The following SYNPO2L variants were observed in gnomAD, a reference collection of about 807,000 sequenced individuals.
The protein encoded by SYNPO2L is synaptopodin 2 like.
In SYNPO2L, 34 loss-of-function variants were observed where a neutral mutation model predicts 47.5. That is an observed-to-expected ratio of 0.72 (90% CI 0.54 to 0.95). The LOEUF is 0.95. Among genes scored for constraint, SYNPO2L ranks in the 40% least tolerant of loss-of-function variants. SYNPO2L has a pLI of 0.00. For missense variants in SYNPO2L, 1,246 were observed against 1,282.0 expected, an observed-to-expected ratio of 0.97 and a Z score of 0.43; for synonymous variants, 536 against 524.9, an observed-to-expected ratio of 1.02 and a Z score of -0.29.
At chr10:73,649,694 T>G (rs2081822433) in intron 3 of SYNPO2L, 1 of 984,766 alleles carries the variant, frequency 1.0e-6, no homozygotes, top group Admixed American at 6.2e-5. Flanking sequence ...GTGGCCCTTC[T>G]TCCCAGAGAC....
rs772953594 is a variant in SYNPO2L, at chr10:73,647,182, C to T, written c.2470G>A (p.Ala824Thr). The change falls in exon 4 of 4, where the codon GCG (alanine) becomes ACG (threonine). Residue 824 changes from alanine (A) to threonine (T), a missense_variant. This residue lies in a region of SYNPO2L where 1,037 missense variants were observed against 1,021.5 expected (regional missense o/e 1.02). Transcript: ENST00000394810. ...NPLLSPFFPQ[A>T]ARTLPKAQSQ... Reference sequence around the variant, plus strand: ...TGGGCCTTAGGGAGAGTTCGGGCCGCCTGGGGGAAAAAGGGAGAGAGCAGT... The same window carrying T: ...TGGGCCTTAGGGAGAGTTCGGGCCGTCTGGGGGAAAAAGGGAGAGAGCAGT... 6.2e-7 allele frequency: 1 copy of T among 1,613,546 alleles called. No homozygotes were observed. Among genetic ancestry groups the T allele is most frequent in the Non-Finnish European group, 8.5e-7 (1 of 1,179,802 alleles).
In SYNPO2L at chr10:73,655,822, G is replaced by C. The variant is rs1463256355; in HGVS notation, c.101C>G (p.Ser34Cys). The C allele has an allele frequency of 6.5e-7, 1 of 1,547,200 alleles. No individual in the cohort carries two copies. Among genetic ancestry groups the C allele is most frequent in the East Asian group, 2.5e-5 (1 of 40,640 alleles). Residue 34 changes from serine to cysteine, a missense_variant, in exon 1 of 4, where the codon TCT becomes TGT. Ser to Cys is a moderately radical substitution (Grantham distance 112). Coordinates refer to ENST00000394810, the MANE Select transcript of SYNPO2L (RefSeq NM_001114133.3). ...GAEQRKPLQV[S>C]KIRRRSQAGR... ...ATTTCAGGGGCTCTCCCTTACCTTA[G>C]ACACCTGTAACGGTTTCCTCTGCTC...
At chr10:73,655,067 T>C (rs969647517) in intron 1 of SYNPO2L, among the ~76,000 whole-genome samples, 1 of 152,200 alleles carries the variant, frequency 6.6e-6, no homozygotes, top group Non-Finnish European at 1.5e-5. Flanking sequence ...TACACACAAA[T>C]GTATATATGC....
At chr10:73,654,406 A>G in intron 1 of SYNPO2L, 126 bp from the exon 2 acceptor site, 1 of 1,252,590 alleles carries the variant, frequency 8.0e-7, no homozygotes, top group Non-Finnish European at 1.1e-6. Context: ...GGGGAGATGC[A>G]TGGAAGTGGC....
At position 73,647,967 on chromosome 10, in the gene SYNPO2L, C is replaced by A; in HGVS notation, c.1685G>T (p.Gly562Val). 1 of 1,539,434 alleles carries A rather than the reference C, an allele frequency of 6.5e-7. No homozygotes were observed. The highest frequency in any genetic ancestry group is 1.3e-5 in the South Asian group (1 of 78,234). Residue 562 changes from glycine (G) to valine (V), a missense_variant, in exon 4 of 4, where the codon GGT becomes GTT. Physicochemically the swap from Gly to Val is moderately radical, Grantham distance 109. This residue lies in a region of SYNPO2L where 1,037 missense variants were observed against 1,021.5 expected (regional missense o/e 1.02). Coordinates refer to ENST00000394810, the MANE Select transcript of SYNPO2L (RefSeq NM_001114133.3). ...AGGAGCGGGGGGCTCTGGAGCTCCA[C>A]CTGGGGTGACAGGCCGACTAGGGGC... ...IPAPSRPVTP[G>V]GAPEPPAPPS...
Position 73,653,046 on chromosome 10 carries a change from TC to T in SYNPO2L, c.772+92del, listed in dbSNP as rs1268739364. 7.1e-5 allele frequency: 99 copies of T among 1,385,788 alleles called. 1 individual carries two copies. In the East Asian group the frequency reaches 2.4e-3, roughly 33 times the overall value. The allele number at this position is 1,385,788 out of a possible 1,614,324, so 85.8% of individuals were successfully genotyped here. ...CTGTCCCCAAGACTGTATCCAAGGG[TC>T]CCAAGGTAGGGAGAATGTACGGCTA... On this transcript the variant is annotated intron_variant, in intron 3 of 3. Coordinates refer to ENST00000394810, the MANE Select transcript of SYNPO2L (RefSeq NM_001114133.3).
chr10:73,653,428 G>T lies in SYNPO2L; in HGVS notation c.483C>A (p.Gly161=). 1 of 1,551,490 alleles carries T rather than the reference G, an allele frequency of 6.4e-7. No individual in the cohort carries two copies. The highest frequency in any genetic ancestry group is 2.4e-5 in the East Asian group (1 of 40,918). The change falls in exon 3 of 4, where the codon GGC becomes GGA. Residue 161 remains glycine, a synonymous_variant. Coordinates refer to ENST00000394810, the MANE Select transcript of SYNPO2L (RefSeq NM_001114133.3). The part of the protein sequence containing the change: ...QEKPRRPRRR[G]PTRPTPPGAP... ...CACCCGGAGGGGTGGGCCTTGTGGG[G>T]CCTCGGCGGCGAGGTCGACGGGGCT... is the stretch of plus-strand genomic sequence containing the variant.
At chr10:73,655,157 A>G (rs1404000110) in intron 1 of SYNPO2L, among the ~76,000 whole-genome samples, 1 of 152,232 alleles carries the variant, frequency 6.6e-6, no homozygotes, top group Non-Finnish European at 1.5e-5. Flanking sequence ...GTATTATTGC[A>G]TTTAATCCTT....
In SYNPO2L at chr10:73,648,108, G is replaced by A. The variant is rs1453638478; in HGVS notation, c.1544C>T (p.Pro515Leu). 30 of 1,544,850 alleles carry A rather than the reference G, an allele frequency of 1.9e-5. No individual in the cohort carries two copies. The highest frequency in any genetic ancestry group is 2.6e-5 in the Non-Finnish European group (30 of 1,147,450). ...APPPFLSSQG[P>L]TPLPSFTSGV... ...TGAAGTGAAGCTGGGCAGAGGGGTG[G>A]GCCCCTGCGAAGACAAGAAGGGGGG... The change falls in exon 4 of 4, where the codon CCC (proline) becomes CTC (leucine). Residue 515 changes from proline (P) to leucine (L), a missense_variant. By Grantham distance (98) the Pro-to-Leu change is moderately conservative. Coordinates refer to ENST00000394810, the MANE Select transcript of SYNPO2L (RefSeq NM_001114133.3).
In SYNPO2L at chr10:73,645,409, T is replaced by C. The variant is rs1244117618; in HGVS notation, c.*1309A>G. On this transcript the variant is annotated 3_prime_UTR_variant, in exon 4 of 4. Transcript: ENST00000394810. ...CAATCACTTACACTCATTTCTGCCA[T>C]GCTTCTGATTTTGGCCTCACTTGCC... 1 of 1,000,790 alleles carries C rather than the reference T, an allele frequency of 1.0e-6. No individual in the cohort carries two copies. The highest frequency in any genetic ancestry group is 1.7e-5 in the African/African-American group (1 of 57,316). 62.0% of individuals were successfully genotyped at this position (1,000,790 alleles called of 1,614,324 possible). A position where few individuals can be genotyped will look rare whatever the true frequency, so the allele number is the denominator to read the frequency against.
At position 73,654,122 on chromosome 10, in the gene SYNPO2L, T is replaced by G. The variant is rs2081861609; in HGVS notation, c.257+7A>C. 6.5e-7 allele frequency: 1 copy of G among 1,548,018 alleles called. No homozygotes were observed. On this transcript the variant is annotated splice_region_variant and intron_variant, in intron 2 of 3. Transcript: ENST00000394810. ...TTAGGGGAAGAGAAGAGGAGAGAGG[T>G]CCATACCGCTGCACAGTGAGGACAA... is the stretch of plus-strand genomic sequence containing the variant.
At position 73,647,344 on chromosome 10, in the gene SYNPO2L, C is replaced by T. The variant is rs777399796; in HGVS notation, c.2308G>A (p.Asp770Asn). The change falls in exon 4 of 4, where the codon GAC becomes AAC. Residue 770 changes from aspartate (D) to asparagine (N), a missense_variant. Physicochemically the swap from Asp to Asn is conservative, Grantham distance 23. This residue lies in a region of SYNPO2L where 1,037 missense variants were observed against 1,021.5 expected (regional missense o/e 1.02). Coordinates refer to ENST00000394810, the MANE Select transcript of SYNPO2L (RefSeq NM_001114133.3). Reference sequence around the variant, plus strand: ...GGTGTACCTTCCACCACATACCTGTCCGCACGGCTCTGCCGCTTAGCAAAC... The same window carrying T: ...GGTGTACCTTCCACCACATACCTGTTCGCACGGCTCTGCCGCTTAGCAAAC... ...ELFAKRQSRADRYVVEGTPGP... is the reference protein window; with the variant it reads ...ELFAKRQSRANRYVVEGTPGP... 6.2e-7 allele frequency: 1 copy of T among 1,614,100 alleles called. No homozygotes were observed. Among genetic ancestry groups the T allele is most frequent in the East Asian group, 2.2e-5 (1 of 44,856 alleles).
chr10:73,649,178 C>T (rs936195694), intron 3 of SYNPO2L, among the ~76,000 whole-genome samples: 4 of 152,168 alleles, frequency 2.6e-5, no homozygotes, highest in African/African-American at 9.7e-5. Context: ...CTCTTATCCA[C>T]CCCACACACA....
In SYNPO2L at chr10:73,653,222, T is replaced by A; in HGVS notation, c.689A>T (p.His230Leu). The change falls in exon 3 of 4, where the codon CAT becomes CTT. Residue 230 changes from histidine (H) to leucine (L), a missense_variant. Physicochemically the swap from His to Leu is moderately conservative, Grantham distance 99. Coordinates refer to ENST00000394810, the MANE Select transcript of SYNPO2L (RefSeq NM_001114133.3). ...LPHGPLRPGP[H>L]LIPMVGPVPH... ...AACAGGCCCCACCATAGGGATGAGA[T>A]GAGGACCAGGTCGGAGGGGGCCATG... The A allele has an allele frequency of 6.6e-7, 1 of 1,513,550 alleles. No individual in the cohort carries two copies. Among genetic ancestry groups the A allele is most frequent in the African/African-American group, 1.4e-5 (1 of 72,338 alleles). The allele number at this position is 1,513,550 out of a possible 1,614,324, so 93.8% of individuals were successfully genotyped here. A position where few individuals can be genotyped will look rare whatever the true frequency, so the allele number is the denominator to read the frequency against.
intron 1 of SYNPO2L, among the ~76,000 whole-genome samples, chr10:73,654,685 G>T (rs1472618340): frequency 6.6e-6 from 1 of 151,938 alleles, no homozygotes; most frequent in Admixed American, 6.6e-5. Flanking sequence ...TCTACTAAAA[G>T]TACAAAAATC....
chr10:73,652,560 C>G (rs946776670), intron 3 of SYNPO2L, among the ~76,000 whole-genome samples: 8 of 152,110 alleles, frequency 5.3e-5, no homozygotes, highest in Admixed American at 4.6e-4. Context: ...ATCCCAGCTA[C>G]TCGGGAGGCA....
In SYNPO2L at chr10:73,648,659, A is replaced by G. The variant is rs1484440351; in HGVS notation, c.993T>C (p.Ser331=). 8 of 1,610,802 alleles carry G rather than the reference A, an allele frequency of 5.0e-6. No individual in the cohort carries two copies. The highest frequency in any genetic ancestry group is 3.3e-4 in the Middle Eastern group (2 of 6,054). ...AGGCTTCTTCGTCCAGCTCGGACTC[A>G]CTCGTGGGGGGAACGCCGTCCTCCT... ...AEEEDGVPPT[S]ESELDEEAFS... is the part of the protein sequence containing the mutation. The change falls in exon 4 of 4, where the codon AGT becomes AGC. Residue 331 remains serine (S), a synonymous_variant. Transcript: ENST00000394810.
Position 73,648,116 on chromosome 10 carries a change from C to T in SYNPO2L, c.1536G>A (p.Ser512=), listed in dbSNP as rs746692338. The stretch of plus-strand genomic sequence containing the variant: ...AGCTGGGCAGAGGGGTGGGCCCCTG[C>T]GAAGACAAGAAGGGGGGTGGGGCGG... The part of the protein sequence containing the change: ...LSPAPPPFLS[S]QGPTPLPSFT... The change falls in exon 4 of 4, where the codon TCG becomes TCA. Residue 512 remains serine, a synonymous_variant. Transcript: ENST00000394810. 1.3e-6 allele frequency: 2 copies of T among 1,532,346 alleles called. No homozygotes were observed. The highest frequency in any genetic ancestry group is 1.8e-6 in the Non-Finnish European group (2 of 1,142,052). The allele number at this position is 1,532,346 out of a possible 1,614,324, so 94.9% of individuals were successfully genotyped here. A position where few individuals can be genotyped will look rare whatever the true frequency, so the allele number is the denominator to read the frequency against.
At chr10:73,650,407 G>T in intron 3 of SYNPO2L, 3 of 473,486 alleles carry the variant, frequency 6.3e-6, no homozygotes, top group Non-Finnish European at 8.3e-6. Flanking sequence ...TTTGGTTTCT[G>T]GGATAGTTAC....
Sources: allele counts gnomAD v4.1 joint callset (sites outside exome capture counted in the v4.1 genomes callset), GRCh38; gene constraint gnomAD v4.1.1; regional missense constraint gnomAD v4.1.1; transcripts MANE v1.5; gene names NCBI Gene and HGNC (gene_info 2026-07-23, HGNC 2026-07-21).